MYOM3: variants seen among roughly 807,000 people sequenced by gnomAD.
MYOM3 encodes myomesin-3.
In MYOM3, 155 loss-of-function variants were observed where a neutral mutation model predicts 191.7. The ratio of observed to expected loss-of-function variants is 0.81; its 90% confidence interval spans 0.71 to 0.92. MYOM3 has a LOEUF of 0.92. Among genes scored for constraint, MYOM3 ranks in the 40% least tolerant of loss-of-function variants. The pLI, the probability that MYOM3 is intolerant of heterozygous loss-of-function variation, is 0.00. For synonymous variants in MYOM3, 757 were observed against 762.9 expected (o/e 0.99, Z 0.13); for missense variants, 1,889 against 1,890.6 (o/e 1.00, Z 0.02).
intron 22 of MYOM3, among the ~76,000 whole-genome samples, chr1:24,074,969 C>T (rs1339341255): frequency 1.3e-5 from 2 of 152,072 alleles, no homozygotes; most frequent in African/African-American, 4.8e-5. Context: ...CCAAGCTACT[C>T]AGGAGGCTGA....
Position 24,057,464 on chromosome 1 carries a change from T to A in MYOM3, c.4214A>T (p.Tyr1405Phe). ...EKVNSEDSGR[Y>F]GVFVKNKYGS... ...ATACTTGTTCTTGACGAAGACGCCGTAGCGGCCGCTGTCTTCACTGTTGAC... is the reference window on the plus strand; with the variant it reads ...ATACTTGTTCTTGACGAAGACGCCGAAGCGGCCGCTGTCTTCACTGTTGAC... The change falls in exon 37 of 37, where the codon TAC becomes TTC. Residue 1405 changes from tyrosine (Y) to phenylalanine (F), a missense_variant. Coordinates refer to ENST00000374434, the MANE Select transcript of MYOM3 (RefSeq NM_152372.4). 6.2e-7 allele frequency: 1 copy of A among 1,614,232 alleles called. No homozygotes were observed. The highest frequency in any genetic ancestry group is 8.5e-7 in the Non-Finnish European group (1 of 1,180,038).
chr1:24,082,776 G>T (rs1482385571), intron 16 of MYOM3, 62 bp from the exon 17 acceptor site: 2 of 1,499,126 alleles, frequency 1.3e-6, no homozygotes, highest in African/African-American at 1.4e-5. Flanking sequence ...TCCCAAACTT[G>T]CTAGAACAAC....
Position 24,086,683 on chromosome 1 carries a change from A to AG in MYOM3, c.1758dup (p.Ser587LeufsTer58). On this transcript the variant is annotated frameshift_variant, in exon 15 of 37. Transcript: ENST00000374434. LOFTEE classifies it high-confidence loss of function. ...AAGGCGATGGGTTCGCTGGGCTCCG[A>AG]GGGATCGCTCAGGCCATACTGGTTC... is the stretch of plus-strand genomic sequence containing the variant. 2 of 1,614,040 alleles carry AG rather than the reference A, an allele frequency of 1.2e-6. No homozygotes were observed. The highest frequency in any genetic ancestry group is 2.2e-5 in the East Asian group (1 of 44,856).
At chr1:24,066,465 A>G (rs1045210073) in intron 28 of MYOM3, 3 of 550,562 alleles carry the variant, frequency 5.4e-6, no homozygotes, top group Non-Finnish European at 9.7e-6. Flanking sequence ...CTTCTGGGAG[A>G]GCACCCACCC....
At chr1:24,100,022 C>T (rs1444192613) in intron 5 of MYOM3, among the ~76,000 whole-genome samples, 1 of 152,168 alleles carries the variant, frequency 6.6e-6, no homozygotes, top group Non-Finnish European at 1.5e-5. Context: ...ACGCCTTCCA[C>T]CACGCCCGGC....
At position 24,068,007 on chromosome 1, in the gene MYOM3, C is replaced by A. The variant is rs1161133945; in HGVS notation, c.3318G>T (p.Lys1106Asn). 1 of 1,614,106 alleles carries A rather than the reference C, an allele frequency of 6.2e-7. No individual in the cohort carries two copies. Among genetic ancestry groups the A allele is most frequent in the East Asian group, 2.2e-5 (1 of 44,896 alleles). ...VDDDFDKLLR[K>N]ADAKRRDWKR... ...TCCAGTCCCTTCTCTTAGCATCTGC[C>A]TTCCTCAGAAGCTTGTCAAAATCTG... is the stretch of plus-strand genomic sequence containing the variant. Residue 1106 changes from lysine (K) to asparagine (N), a missense_variant, in exon 27 of 37, where the codon AAG becomes AAT. By Grantham distance (94) the Lys-to-Asn change is moderately conservative (BLOSUM62 0). Transcript: ENST00000374434.
At chr1:24,086,216 C>T (rs1348168034) in intron 15 of MYOM3, among the ~76,000 whole-genome samples, 2 of 152,098 alleles carry the variant, frequency 1.3e-5, no homozygotes, top group Non-Finnish European at 2.9e-5. Flanking sequence ...CCCCGTTATG[C>T]TGCAGGTGAG....
intron 15 of MYOM3, 45 bp downstream of exon 15, chr1:24,086,599 T>C (rs971261866): frequency 2.5e-6 from 4 of 1,586,594 alleles, no homozygotes; most frequent in Middle Eastern, 1.7e-4. Flanking sequence ...GTCCTGAGCC[T>C]GGCCTGGCCT....
chr1:24,080,176 C>G lies in MYOM3; in HGVS notation c.2426G>C (p.Arg809Pro). The G allele has an allele frequency of 6.2e-7, 1 of 1,612,584 alleles. No homozygotes were observed. ...GGATGTGGCCCGCACCTCGGATGCCCGTACATCGTACGGGGGGCCTGTGAC... is the reference window on the plus strand; with the variant it reads ...GGATGTGGCCCGCACCTCGGATGCCGGTACATCGTACGGGGGGCCTGTGAC... ...MPQPGPPYDV[R>P]ASEVRATSLV... Residue 809 changes from arginine to proline, a missense_variant, in exon 20 of 37, where the codon CGG (arginine) becomes CCG (proline). Coordinates refer to ENST00000374434, the MANE Select transcript of MYOM3 (RefSeq NM_152372.4).
intron 20 of MYOM3, among the ~76,000 whole-genome samples, chr1:24,078,960 A>G (rs6674159): frequency 0.41 from 61,596 of 151,908 alleles, 12,782 homozygotes; most frequent in East Asian, 0.43. Context: ...AACAACCATC[A>G]CTCCAGAACA....
chr1:24,080,852 C>A (rs1643659557), intron 19 of MYOM3, among the ~76,000 whole-genome samples: 1 of 152,114 alleles, frequency 6.6e-6, no homozygotes, highest in Non-Finnish European at 1.5e-5. Context: ...ATTCTCCTTC[C>A]TCAGTGGGAG....
rs1482255570 is a variant in MYOM3, at chr1:24,107,171, C to A, written c.304G>T (p.Val102Leu). The change falls in exon 4 of 37, where the codon GTG becomes TTG. Residue 102 changes from valine to leucine, a missense_variant. By Grantham distance (32) the Val-to-Leu change is conservative. Coordinates refer to ENST00000374434, the MANE Select transcript of MYOM3 (RefSeq NM_152372.4). ...CTCTCCCAGTCATTGCCGAAGCCCA[C>A]CCGCTTCTGCCCTCGCTCCTCCAGC... ...VELEERGQKR[V>L]GFGNDWERTE... 6.2e-7 allele frequency: 1 copy of A among 1,610,854 alleles called. No individual in the cohort carries two copies. Among genetic ancestry groups the A allele is most frequent in the Non-Finnish European group, 8.5e-7 (1 of 1,178,744 alleles).
In MYOM3 at chr1:24,095,461, G is replaced by A. The variant is rs1488471658; in HGVS notation, c.771C>T (p.Phe257=). The A allele has an allele frequency of 3.1e-6, 5 of 1,612,766 alleles. No individual in the cohort carries two copies. Among genetic ancestry groups the A allele is most frequent in the East Asian group, 2.2e-5 (1 of 44,806 alleles). Residue 257 remains phenylalanine (F), a synonymous_variant, in exon 8 of 37, where the codon TTC becomes TTT. Coordinates refer to ENST00000374434, the MANE Select transcript of MYOM3 (RefSeq NM_152372.4). ...ACTTACTTTTGAAGATCTCTGAATC[G>A]AAGCCAGCATCCTTCCCCAGGTAAG... ...VRTYLGKDAG[F]DSEIFKRSTF...
intron 17 of MYOM3, 174 bp downstream of exon 17, chr1:24,082,419 G>T: frequency 9.6e-7 from 1 of 1,039,442 alleles, no homozygotes; most frequent in Non-Finnish European, 1.3e-6. Context: ...ATGGCCTCAA[G>T]CCATGGTTAC....
At chr1:24,091,049 C>T in intron 11 of MYOM3, 53 bp from the exon 12 acceptor site, 1 of 1,581,632 alleles carries the variant, frequency 6.3e-7, no homozygotes. Flanking sequence ...CACACCTTCC[C>T]AATGTGAGCC....
In MYOM3 at chr1:24,111,419, C is replaced by T. The variant is rs192219218; in HGVS notation, c.-19+612G>A. 8.5e-5 allele frequency among the ~76,000 whole-genome samples: 13 copies of T among 152,336 alleles called. No homozygotes were observed. The highest frequency in any genetic ancestry group is 2.2e-4 in the African/African-American group (9 of 41,570). On this transcript the variant is annotated intron_variant, in intron 1 of 36. Transcript: ENST00000374434. This position sits in a 1 kb window ranked among gnomAD's most constrained non-coding sequence, Gnocchi z 4.7. ...TGGGAGCAGAGACACATCCTGCGGG[C>T]GGCGGGTGGCACAGGCTGGGACGTG...
rs59730862 is a variant in MYOM3 at position 24,104,500 on chromosome 1, G to C, written c.560+1420C>G. On this transcript the variant is annotated intron_variant, in intron 5 of 36. Transcript: ENST00000374434. ...ATTTCTTTTCTTTTTTTTTGAGACA[G>C]AGTCCTGTTCTGTCACCCAGGCTGA... Among the ~76,000 whole-genome samples the C allele has an allele frequency of 6.6e-3, 1,003 of 152,028 alleles. 14 individuals carry two copies. The highest frequency in any genetic ancestry group is 0.023 in the African/African-American group (971 of 41,460).
In MYOM3 at chr1:24,067,094, C is replaced by A. The variant is rs189632434; in HGVS notation, c.3356-6G>T. ...CGGCCGCTCAAAATAGGGACCTGTG[C>A]GTGCAAAACAAATGTGCCCACTGTC... On this transcript the variant is annotated splice_polypyrimidine_tract_variant and splice_region_variant and intron_variant, in intron 27 of 36. Coordinates refer to ENST00000374434, the MANE Select transcript of MYOM3 (RefSeq NM_152372.4). 2 of 1,568,932 alleles carry A rather than the reference C, an allele frequency of 1.3e-6. No homozygotes were observed. The highest frequency in any genetic ancestry group is 1.2e-5 in the South Asian group (1 of 85,788).
intron 20 of MYOM3, among the ~76,000 whole-genome samples, chr1:24,077,307 C>T (rs571942463): frequency 1.1e-4 from 17 of 152,260 alleles, no homozygotes; most frequent in Middle Eastern, 3.4e-3. Context: ...CTTTTAGTGG[C>T]CTTCAGGGTC....
Sources: allele counts gnomAD v4.1 joint callset (sites outside exome capture counted in the v4.1 genomes callset), GRCh38; gene constraint gnomAD v4.1.1; non-coding constraint Gnocchi (gnomAD v3.1); transcripts MANE v1.5; gene names NCBI Gene and HGNC (gene_info 2026-07-23, HGNC 2026-07-21).